Variants in MPC1 observed in about 807,000 individuals in gnomAD.
MPC1 encodes HSPC040 protein.
MPC1 carries 6 observed loss-of-function variants against 13.9 expected under a neutral mutation model. The observed-to-expected ratio is 0.43, with a 90% CI of 0.24 to 0.85. The LOEUF is 0.85. Ranked by LOEUF, MPC1 falls within the 40% of genes least tolerant of loss-of-function variation. The pLI, the probability that MPC1 is intolerant of heterozygous loss-of-function variation, is 0.24. For missense variants in MPC1, 115 were observed against 143.3 expected (o/e 0.80, Z 1.01); for synonymous variants, 47 against 50.5 (o/e 0.93, Z 0.29).
At chr6:166,378,363 C>G (rs1779642674) in intron 1 of MPC1, among the ~76,000 whole-genome samples, 2 of 152,130 alleles carry the variant, frequency 1.3e-5, no homozygotes, top group African/African-American at 4.8e-5. Flanking sequence ...TTTTAAAGCA[C>G]TCTATGATCT....
At chr6:166,379,174 G>A (rs1779674657) in intron 1 of MPC1, among the ~76,000 whole-genome samples, 2 of 151,980 alleles carry the variant, frequency 1.3e-5, no homozygotes, top group East Asian at 3.9e-4. Flanking sequence ...ACCTCTTTCA[G>A]TGAAATAAAA....
intron 3 of MPC1, 39 bp from the exon 4 acceptor site, chr6:166,366,145 G>C (rs1256734588): frequency 1.2e-6 from 2 of 1,600,794 alleles, no homozygotes; most frequent in Non-Finnish European, 1.7e-6. Flanking sequence ...CAATAACTTA[G>C]AAAACTGAGA....
Position 166,365,919 on chromosome 6 carries a change from C to A in MPC1, c.305+55G>T. On this transcript the variant is annotated intron_variant, in intron 4 of 4. Transcript: ENST00000360961. This position sits in a 1 kb window ranked among gnomAD's most constrained non-coding sequence, Gnocchi z 4.2. ...CCTCAGAAAAGATTTTAGTTTCACT[C>A]TCCCCAATTCCTCAAATTCCTGAAA... 6.3e-7 allele frequency: 1 copy of A among 1,591,666 alleles called. No individual in the cohort carries two copies. Among genetic ancestry groups the A allele is most frequent in the South Asian group, 1.1e-5 (1 of 88,900 alleles).
intron 1 of MPC1, among the ~76,000 whole-genome samples, chr6:166,376,155 C>CGT (rs74273802): frequency 0.024 from 3,643 of 151,050 alleles, 118 homozygotes; most frequent in African/African-American, 0.072. Flanking sequence ...TATACACATA[C>CGT]GTGTGTGTGT....
At chr6:166,372,030 A>G (rs1213938379) in intron 1 of MPC1, among the ~76,000 whole-genome samples, 13 of 152,186 alleles carry the variant, frequency 8.5e-5, no homozygotes, top group Non-Finnish European at 1.5e-4. Context: ...TATATATACA[A>G]ATATAATTAT....
chr6:166,370,882 A>G (rs1383038778), intron 1 of MPC1, among the ~76,000 whole-genome samples: 1 of 152,190 alleles, frequency 6.6e-6, no homozygotes. Flanking sequence ...CACAGAAATT[A>G]CTTGTATTAA....
chr6:166,369,449 G>A (rs1263791240), intron 2 of MPC1: 6 of 154,708 alleles, frequency 3.9e-5, no homozygotes, highest in East Asian at 3.9e-4. Flanking sequence ...TGTGATGAGT[G>A]TTAGGTTATA....
chr6:166,368,582 T>C (rs1223990471), intron 2 of MPC1, among the ~76,000 whole-genome samples: 1 of 124,726 alleles, frequency 8.0e-6, no homozygotes, highest in Admixed American at 8.0e-5. Context: ...AAAAAGAAAA[T>C]GACAAGTTGG....
chr6:166,378,096 A>G (rs976383892), intron 1 of MPC1, among the ~76,000 whole-genome samples: 4 of 152,254 alleles, frequency 2.6e-5, no homozygotes, highest in African/African-American at 9.6e-5. Flanking sequence ...TGTTTGGTTC[A>G]GATATCAGCC....
rs77687797 is a variant in MPC1 at position 166,370,392 on chromosome 6, A to G, written c.72-171T>C. The stretch of plus-strand genomic sequence containing the variant: ...TACATTCTTTTATTATTTTTAAAAG[A>G]TCAAGTAATATTATTTCTAATAAGA... On this transcript the variant is annotated intron_variant, in intron 1 of 4. Coordinates refer to ENST00000360961, the MANE Select transcript of MPC1 (RefSeq NM_016098.4). 1.3e-3 allele frequency: 719 copies of G among 556,242 alleles called. 11 individuals are homozygous for G. In the East Asian group the frequency reaches 0.019, roughly 14 times the overall value. 34.5% of individuals were successfully genotyped at this position (556,242 alleles called of 1,614,324 possible). A position where few individuals can be genotyped will look rare whatever the true frequency, so the allele number is the denominator to read the frequency against.
intron 2 of MPC1, 82 bp from the exon 3 acceptor site, chr6:166,366,973 A>G (rs1460025611): frequency 6.2e-7 from 1 of 1,604,446 alleles, no homozygotes; most frequent in South Asian, 1.1e-5. Flanking sequence ...CCTTACTTTA[A>G]ATAATCACGT....
chr6:166,369,814 C>G (rs1407138112), intron 2 of MPC1, among the ~76,000 whole-genome samples: 1 of 152,092 alleles, frequency 6.6e-6, no homozygotes, highest in African/African-American at 2.4e-5. Flanking sequence ...AAGAAAGTTC[C>G]AACAGAATTA....
rs917149292 is a variant in MPC1 at position 166,382,343 on chromosome 6, C to T, written c.71+463G>A. Among the ~76,000 whole-genome samples the T allele has an allele frequency of 5.9e-5, 9 of 151,998 alleles. No homozygotes were observed. The South Asian group carries it at 1.7e-3, about 28-fold the overall frequency. The stretch of plus-strand genomic sequence containing the variant: ...CCGGGAAGGGCGTCCACTGTTATGC[C>T]TACCAGGAGAGGCGTCCCCAGTGTC... On this transcript the variant is annotated intron_variant, in intron 1 of 4. Coordinates refer to ENST00000360961, the MANE Select transcript of MPC1 (RefSeq NM_016098.4).
At chr6:166,367,442 A>T (rs1409471630) in intron 2 of MPC1, among the ~76,000 whole-genome samples, 1 of 152,214 alleles carries the variant, frequency 6.6e-6, no homozygotes, top group African/African-American at 2.4e-5. Context: ...AAGATAAAAT[A>T]ACTTGGAAAT....
At chr6:166,369,996 C>A in intron 2 of MPC1, 1 of 691,662 alleles carries the variant, frequency 1.4e-6, no homozygotes, top group Non-Finnish European at 2.6e-6. Flanking sequence ...ATGCTTGTTT[C>A]TAAAAACAGG....
chr6:166,371,420 G>T (rs978175593), intron 1 of MPC1, among the ~76,000 whole-genome samples: 2 of 152,068 alleles, frequency 1.3e-5, no homozygotes, highest in Non-Finnish European at 2.9e-5. Context: ...AATTTCTCTT[G>T]CCAGGATATA....
rs1260133399 is a variant in MPC1 at position 166,369,949 on chromosome 6, T to C, written c.75+269A>G. ...TTCTCTATTTCCTTTCATCGGTTGC[T>C]AGGCTCCACTGTGACTGTTATCAAT... is the stretch of plus-strand genomic sequence containing the variant. On this transcript the variant is annotated intron_variant, in intron 2 of 4. Coordinates refer to ENST00000360961, the MANE Select transcript of MPC1 (RefSeq NM_016098.4). 4.9e-6 allele frequency: 3 copies of C among 609,920 alleles called. No individual in the cohort carries two copies. The South Asian group carries it at 5.0e-5, about 10-fold the overall frequency. The allele number at this position is 609,920 out of a possible 1,614,324, so 37.8% of individuals were successfully genotyped here. A position where few individuals can be genotyped will look rare whatever the true frequency, so the allele number is the denominator to read the frequency against.
chr6:166,380,812 G>A (rs996698234), intron 1 of MPC1, among the ~76,000 whole-genome samples: 1 of 151,400 alleles, frequency 6.6e-6, no homozygotes, highest in Non-Finnish European at 1.5e-5. Flanking sequence ...GGTGGTGCAT[G>A]CTTGTAATCC....
intron 1 of MPC1, among the ~76,000 whole-genome samples, chr6:166,379,260 A>G (rs1779678269): frequency 6.6e-6 from 1 of 152,192 alleles, no homozygotes; most frequent in African/African-American, 2.4e-5. Context: ...TTGGGAGGCC[A>G]AGATGGGAGG....
Sources: gnomAD v4.1 joint callset for allele counts (sites outside exome capture counted in the v4.1 genomes callset) on GRCh38, gnomAD v4.1.1 for gene constraint, Gnocchi (gnomAD v3.1) non-coding constraint, MANE v1.5 for transcripts, NCBI Gene and HGNC (gene_info 2026-07-23, HGNC 2026-07-21) for gene names.